ROBO2: variants seen among roughly 807,000 people sequenced by gnomAD.
The protein encoded by ROBO2 is roundabout homolog 2.
A neutral mutation model predicts 160.8 loss-of-function variants in ROBO2; 53 were observed. The ratio of observed to expected loss-of-function variants is 0.33; its 90% CI spans 0.26 to 0.41. The LOEUF (loss-of-function observed/expected upper bound fraction) is 0.41, where lower values mean the gene tolerates loss of function less well. Among genes scored for constraint, ROBO2 ranks in the 10% least tolerant of loss-of-function variants. The pLI, the probability that ROBO2 is intolerant of heterozygous loss-of-function variation, is 1.00. For missense variants in ROBO2, 1,577 were observed against 1,722.4 expected, an observed-to-expected ratio of 0.92 and a Z score of 1.49; for synonymous variants, 664 against 611.7, an observed-to-expected ratio of 1.09 and a Z score of -1.26.
chr3:77,072,641 A>G (rs910618833), intron 1 of ROBO2, among the ~76,000 whole-genome samples: 1 of 152,192 alleles, frequency 6.6e-6, no homozygotes, highest in African/African-American at 2.4e-5. Flanking sequence ...TGCATTTATC[A>G]TAATTTCGAA....
rs267607014 is a variant in ROBO2, at chr3:77,596,730, T to C, written c.2834T>C (p.Ile945Thr). The C allele has an allele frequency of 3.5e-5, 57 of 1,613,668 alleles. No individual in the cohort carries two copies. The highest frequency in any genetic ancestry group is 4.7e-5 in the Non-Finnish European group (56 of 1,179,838). Residue 945 changes from isoleucine to threonine, a missense_variant, in exon 19 of 26, where the codon ATT becomes ACT. Physicochemically the swap from Ile to Thr is moderately conservative, Grantham distance 89 (BLOSUM62 -1). Coordinates refer to ENST00000461745, the Ensembl canonical transcript of ROBO2. ...AATAGCAACAGTGGCCCAAATGAGATTGGAAATTTTGGCCGTGGAGGTAAG... is the reference window on the plus strand; with the variant it reads ...AATAGCAACAGTGGCCCAAATGAGACTGGAAATTTTGGCCGTGGAGGTAAG...
intron 13 of ROBO2, among the ~76,000 whole-genome samples, chr3:77,571,354 C>A (rs1478091481): frequency 6.6e-6 from 1 of 152,094 alleles, no homozygotes; most frequent in Non-Finnish European, 1.5e-5. Flanking sequence ...TTTAGGGCCA[C>A]ATATAAGCCG....
chr3:77,599,041 A>T (rs1176905457), intron 19 of ROBO2, among the ~76,000 whole-genome samples: 1 of 152,156 alleles, frequency 6.6e-6, no homozygotes, highest in Non-Finnish European at 1.5e-5. Flanking sequence ...GAGATTTGCA[A>T]GGTTTTTCTT....
At chr3:77,502,406 T>C (rs1420553415) in intron 5 of ROBO2, among the ~76,000 whole-genome samples, 1 of 152,236 alleles carries the variant, frequency 6.6e-6, no homozygotes, top group Non-Finnish European at 1.5e-5. Context: ...GAAGTTTATG[T>C]CTTTTCCTTT....
At chr3:77,055,762 T>G (rs2065679791) in intron 1 of ROBO2, among the ~76,000 whole-genome samples, 1 of 148,042 alleles carries the variant, frequency 6.8e-6, no homozygotes, top group Admixed American at 6.6e-5. Context: ...CCTGATTGGT[T>G]TATTTCTGTA....
intron 2 of ROBO2, among the ~76,000 whole-genome samples, chr3:76,358,683 A>G (rs1294018067): frequency 6.6e-6 from 1 of 152,062 alleles, no homozygotes; most frequent in African/African-American, 2.4e-5. Context: ...CTCAATATAT[A>G]TGTTTCTAAA....
At chr3:76,272,864 A>ATTATATATAATATATATTTATATAT (rs1707591876) in intron 2 of ROBO2, among the ~76,000 whole-genome samples, 8 of 87,036 alleles carry the variant, frequency 9.2e-5, no homozygotes, top group Non-Finnish European at 1.2e-4. Flanking sequence ...TAAAATATAT[A>ATTATATATAATATATATTTATATAT]AAATATATAA....
chr3:77,146,733 C>A (rs779049103), intron 2 of ROBO2, among the ~76,000 whole-genome samples: 3 of 151,940 alleles, frequency 2.0e-5, no homozygotes. Flanking sequence ...TTTGGGAGGC[C>A]GAGGAGGGCA....
chr3:76,431,517 A>G (rs2076436636), intron 2 of ROBO2, among the ~76,000 whole-genome samples: 2 of 152,178 alleles, frequency 1.3e-5, no homozygotes, highest in African/African-American at 4.8e-5. Context: ...TTATGACTAT[A>G]CTTTGTAAGC....
At chr3:77,358,839 A>G (rs1362235183) in intron 2 of ROBO2, among the ~76,000 whole-genome samples, 4 of 152,226 alleles carry the variant, frequency 2.6e-5, no homozygotes, top group African/African-American at 9.6e-5. Flanking sequence ...AGCATATAGT[A>G]TTCAAGTCAA....
chr3:77,277,192 CT>C (rs147946565), intron 2 of ROBO2, among the ~76,000 whole-genome samples: 2 of 129,138 alleles, frequency 1.5e-5, no homozygotes, highest in Non-Finnish European at 1.7e-5. Context: ...TTCTTTCTTT[CT>C]TTCTTTCTTT....
At chr3:77,303,391 ATT>A (rs1458367128) in intron 2 of ROBO2, among the ~76,000 whole-genome samples, 4 of 152,132 alleles carry the variant, frequency 2.6e-5, no homozygotes, top group Non-Finnish European at 5.9e-5. Context: ...TGTAAATTTG[ATT>A]TTGGGGCTAA....
At chr3:76,293,523 C>CA (rs1049629512) in intron 2 of ROBO2, among the ~76,000 whole-genome samples, 24 of 151,376 alleles carry the variant, frequency 1.6e-4, no homozygotes, top group African/African-American at 5.1e-4. Flanking sequence ...GCCTTGAATC[C>CA]AAAAAAAAGT....
At chr3:77,075,617 AT>A (rs557247607) in intron 1 of ROBO2, among the ~76,000 whole-genome samples, 6 of 137,384 alleles carry the variant, frequency 4.4e-5, no homozygotes, top group African/African-American at 1.7e-4. Context: ...AAAATATGCT[AT>A]TTTTTTATAT....
intron 6 of ROBO2, among the ~76,000 whole-genome samples, chr3:77,523,873 T>C (rs2090867857): frequency 6.6e-6 from 1 of 151,338 alleles, no homozygotes; most frequent in Admixed American, 6.6e-5. Flanking sequence ...CCCCATTTAG[T>C]CATACCTCTG....
intron 2 of ROBO2, among the ~76,000 whole-genome samples, chr3:76,871,347 G>A (rs1306102327): frequency 6.6e-6 from 1 of 151,792 alleles, no homozygotes; most frequent in Non-Finnish European, 1.5e-5. Context: ...GAGGTCAGGA[G>A]ATCGAGACCA....
intron 2 of ROBO2, among the ~76,000 whole-genome samples, chr3:76,709,786 T>C (rs1367077875): frequency 1.3e-5 from 2 of 152,140 alleles, no homozygotes; most frequent in Non-Finnish European, 2.9e-5. Context: ...ATGAAGTATA[T>C]TTGCAAAAAT....
At chr3:76,443,131 G>C (rs889351697) in intron 2 of ROBO2, among the ~76,000 whole-genome samples, 1 of 151,890 alleles carries the variant, frequency 6.6e-6, no homozygotes, top group South Asian at 2.1e-4. Context: ...AAGAAGGGGT[G>C]GGGGAGGTGC....
intron 2 of ROBO2, among the ~76,000 whole-genome samples, chr3:76,071,245 A>G (rs2068444078): frequency 5.3e-5 from 8 of 152,164 alleles, no homozygotes; most frequent in Admixed American, 5.2e-4. Context: ...CCTCTTTGTC[A>G]AAACTGTTCT....
Sources: allele counts gnomAD v4.1 joint callset (sites outside exome capture counted in the v4.1 genomes callset), GRCh38; gene constraint gnomAD v4.1.1; transcripts MANE v1.5; gene names NCBI Gene and HGNC (gene_info 2026-07-23, HGNC 2026-07-21).